Variants in ZNF99 observed in about 807,000 individuals in gnomAD.
The protein encoded by ZNF99 is zinc finger protein 99.
A neutral mutation model predicts 12.8 loss-of-function variants in ZNF99; 8 were observed. The observed-to-expected ratio is 0.62, with a 90% CI of 0.37 to 1.13. ZNF99 has a LOEUF of 1.13. Among genes scored for constraint, ZNF99 ranks in the 50% most tolerant of loss-of-function variants. The pLI is 0.02. For synonymous variants in ZNF99, 318 were observed against 319.0 expected (o/e 1.00, Z 0.03); for missense variants, 1,007 against 1,006.2 (o/e 1.00, Z -0.01).
At chr19:22,776,347 T>A (rs1213596447) in intron 1 of ZNF99, among the ~76,000 whole-genome samples, 2 of 114,428 alleles carry the variant, frequency 1.7e-5, no homozygotes, top group Non-Finnish European at 3.4e-5. Flanking sequence ...TGAGGCTTCA[T>A]CTCAATTAAA....
chr19:22,753,393 A>G lies in ZNF99; in HGVS notation c.*3921T>C, dbSNP rs1045100439. The G allele has an allele frequency of 4.6e-5, 7 of 151,766 alleles. No individual in the cohort carries two copies. Among genetic ancestry groups the G allele is most frequent in the African/African-American group, 1.7e-4 (7 of 41,238 alleles). 9.4% of individuals were successfully genotyped at this position (151,766 alleles called of 1,614,324 possible). A position where few individuals can be genotyped will look rare whatever the true frequency, so the allele number is the denominator to read the frequency against. ...CTGACATTTACAGAGTTAATTTTGG[A>G]TTGAATATTTTTCATATTTACTGCA... On this transcript the variant is annotated 3_prime_UTR_variant, in exon 4 of 4. Coordinates refer to ENST00000596209, the MANE Select transcript of ZNF99 (RefSeq NM_001080409.3).
intron 1 of ZNF99, among the ~76,000 whole-genome samples, chr19:22,777,330 G>GT (rs1417322292): frequency 5.9e-5 from 9 of 152,010 alleles, no homozygotes; most frequent in Non-Finnish European, 1.3e-4. Context: ...TCATTTATTA[G>GT]TAAGAGCTAA....
chr19:22,783,717 C>CT (rs960378723), intron 1 of ZNF99, among the ~76,000 whole-genome samples: 2 of 152,202 alleles, frequency 1.3e-5, no homozygotes, highest in Non-Finnish European at 2.9e-5. Context: ...CCTGACGCCC[C>CT]TCCCGTGGTC....
chr19:22,755,945 TA>T lies in ZNF99; in HGVS notation c.*1368del. 2.3e-6 allele frequency: 1 copy of T among 437,564 alleles called. No individual in the cohort carries two copies. Among genetic ancestry groups the T allele is most frequent in the Non-Finnish European group, 4.2e-6 (1 of 236,650 alleles). The allele number at this position is 437,564 out of a possible 1,614,324, so 27.1% of individuals were successfully genotyped here. A position where few individuals can be genotyped will look rare whatever the true frequency, so the allele number is the denominator to read the frequency against. ...TGGTTAAAAGCTTTGTCACCTTTAT[TA>T]TATTTGTAGGGTTTTCCTCCAGTAT... On this transcript the variant is annotated 3_prime_UTR_variant, in exon 4 of 4. Coordinates refer to ENST00000596209, the MANE Select transcript of ZNF99 (RefSeq NM_001080409.3).
intron 3 of ZNF99, among the ~76,000 whole-genome samples, chr19:22,765,823 CAA>C (rs1022679316): frequency 2.0e-5 from 3 of 151,822 alleles, no homozygotes; most frequent in African/African-American, 7.3e-5. Flanking sequence ...GCATATATAA[CAA>C]GAGAAATGCT....
At position 22,759,533 on chromosome 19, in the gene ZNF99, G is replaced by A. The variant is rs61740110; in HGVS notation, c.376C>T (p.His126Tyr). Residue 126 changes from histidine to tyrosine, a missense_variant, in exon 4 of 4, where the codon CAC (histidine) becomes TAC (tyrosine). His to Tyr is a moderately conservative substitution (Grantham distance 83). Coordinates refer to ENST00000596209, the MANE Select transcript of ZNF99 (RefSeq NM_001080409.3). Reference sequence around the variant, plus strand: ...TTAAGTTTATTATAAGCTTCTTCGTGCATCTTACCCTCATTGACACTTTCA... The same window carrying A: ...TTAAGTTTATTATAAGCTTCTTCGTACATCTTACCCTCATTGACACTTTCA... ...DCESVNEGKM[H>Y]EEAYNKLNQC... The A allele has an allele frequency of 0.085, 136,057 of 1,604,332 alleles. 6,172 individuals carry two copies. Among genetic ancestry groups the A allele is most frequent in the Middle Eastern group, 0.13 (785 of 6,022 alleles).
rs571003170 is a variant in ZNF99, at chr19:22,760,836, C to G, written c.227-1154G>C. 3.1e-5 allele frequency among the ~76,000 whole-genome samples: 4 copies of G among 129,736 alleles called. No individual in the cohort carries two copies. In the South Asian group the frequency reaches 9.9e-4, roughly 32 times the overall value. The allele number at this position is 129,736 out of a possible 152,430, so 85.1% of individuals were successfully genotyped here. The stretch of plus-strand genomic sequence containing the variant: ...GCAGCAGAGAATGTAGTACCACACA[C>G]AAAAAATAGATTACTATTGAGAAGA... On this transcript the variant is annotated intron_variant, in intron 3 of 3. Coordinates refer to ENST00000596209, the MANE Select transcript of ZNF99 (RefSeq NM_001080409.3).
At position 22,752,777 on chromosome 19, in the gene ZNF99, A is replaced by G. The variant is rs2145321029; in HGVS notation, c.*4537T>C. 1 of 152,012 alleles carries G rather than the reference A, an allele frequency of 6.6e-6. No individual in the cohort carries two copies. Among genetic ancestry groups the G allele is most frequent in the East Asian group, 1.9e-4 (1 of 5,190 alleles). The allele number at this position is 152,012 out of a possible 1,614,324, so 9.4% of individuals were successfully genotyped here. A position where few individuals can be genotyped will look rare whatever the true frequency, so the allele number is the denominator to read the frequency against. ...TAAAAATTTATGAATGTACTACATT[A>G]CATAAAAGCACAACTAATATAATAC... On this transcript the variant is annotated 3_prime_UTR_variant, in exon 4 of 4. Coordinates refer to ENST00000596209, the MANE Select transcript of ZNF99 (RefSeq NM_001080409.3).
At chr19:22,759,712 C>T (rs759018540) in intron 3 of ZNF99, 30 bp from the exon 4 acceptor site, 9 of 1,428,482 alleles carry the variant, frequency 6.3e-6, no homozygotes, top group Admixed American at 2.8e-5. Flanking sequence ...TAAATTATGT[C>T]ACTTGCTAGA....
In ZNF99 at chr19:22,758,454, T is replaced by G. The variant is rs764395258; in HGVS notation, c.1455A>C (p.Glu485Asp). 19 of 1,613,304 alleles carry G rather than the reference T, an allele frequency of 1.2e-5. No homozygotes were observed. The highest frequency in any genetic ancestry group is 1.5e-5 in the Non-Finnish European group (18 of 1,179,732). ...AGGACCACTTAAAAGCTTTACCACATTCTTCACATTTGTAGGGTTTCTCTC... is the reference window on the plus strand; with the variant it reads ...AGGACCACTTAAAAGCTTTACCACAGTCTTCACATTTGTAGGGTTTCTCTC... ...HTGEKPYKCEECGKAFKWSSK... is the reference protein window; with the variant it reads ...HTGEKPYKCEDCGKAFKWSSK... The change falls in exon 4 of 4, where the codon GAA becomes GAC. Residue 485 changes from glutamate (E) to aspartate (D), a missense_variant. Glu to Asp is a conservative substitution (Grantham distance 45). Coordinates refer to ENST00000596209, the MANE Select transcript of ZNF99 (RefSeq NM_001080409.3).
chr19:22,782,559 T>C, intron 1 of ZNF99, among the ~76,000 whole-genome samples: 1 of 151,482 alleles, frequency 6.6e-6, no homozygotes, highest in South Asian at 2.1e-4. Context: ...ATGGGGTTTC[T>C]CCATGTTGGT....
intron 3 of ZNF99, among the ~76,000 whole-genome samples, chr19:22,763,432 A>G (rs933901381): frequency 6.6e-6 from 1 of 152,168 alleles, no homozygotes; most frequent in Admixed American, 6.5e-5. Context: ...CAAGGAGGTA[A>G]AAGACCTCTA....
chr19:22,784,074 T>TCACAGGGC lies in ZNF99; in HGVS notation c.-66_-59dup. 1 of 1,604,492 alleles carries TCACAGGGC rather than the reference T, an allele frequency of 6.2e-7. No individual in the cohort carries two copies. Among genetic ancestry groups the TCACAGGGC allele is most frequent in the Non-Finnish European group, 8.5e-7 (1 of 1,172,964 alleles). ...CTGTGGATCTCCAAATACCTACAGGTCACAGGGCCACAGAGGCTAAGGACA... is the reference window on the plus strand; with the variant it reads ...CTGTGGATCTCCAAATACCTACAGGTCACAGGGCCACAGGGCCACAGAGGCTAAGGACA... On this transcript the variant is annotated 5_prime_UTR_variant, in exon 1 of 4. Transcript: ENST00000596209.
Position 22,754,386 on chromosome 19 carries a change from T to A in ZNF99, c.*2928A>T, listed in dbSNP as rs1280385417. ...CATTTCAAAAAAAAAAAAAAAACTT[T>A]GCCACATTCTTCACATTTGTAGAAT... is the stretch of plus-strand genomic sequence containing the variant. On this transcript the variant is annotated 3_prime_UTR_variant, in exon 4 of 4. Coordinates refer to ENST00000596209, the MANE Select transcript of ZNF99 (RefSeq NM_001080409.3). 3 of 417,190 alleles carry A rather than the reference T, an allele frequency of 7.2e-6. No individual in the cohort carries two copies. Among genetic ancestry groups the A allele is most frequent in the South Asian group, 5.3e-5 (3 of 56,278 alleles). 25.8% of individuals were successfully genotyped at this position (417,190 alleles called of 1,614,324 possible).
chr19:22,779,305 C>G (rs930298577), intron 1 of ZNF99, among the ~76,000 whole-genome samples: 1 of 152,020 alleles, frequency 6.6e-6, no homozygotes, highest in African/African-American at 2.4e-5. Flanking sequence ...GCAGGCGGAT[C>G]AAAAGGTCAG....
chr19:22,756,452 T>C lies in ZNF99; in HGVS notation c.*862A>G, dbSNP rs1362243031. ...AATGCTTTACCACACTCTTCACATT[T>C]GTAGGGTTTCTTTCCAGTATGAATT... On this transcript the variant is annotated 3_prime_UTR_variant, in exon 4 of 4. Transcript: ENST00000596209. The C allele has an allele frequency of 1.3e-6, 2 of 1,586,894 alleles. No homozygotes were observed. The highest frequency in any genetic ancestry group is 1.7e-6 in the Non-Finnish European group (2 of 1,168,340).
intron 2 of ZNF99, 65 bp from the exon 3 acceptor site, chr19:22,768,465 G>A (rs1447889298): frequency 4.4e-6 from 6 of 1,364,276 alleles, no homozygotes; most frequent in Non-Finnish European, 6.0e-6. Context: ...GCTCATTAAA[G>A]AGAATGTAAT....
intron 1 of ZNF99, among the ~76,000 whole-genome samples, chr19:22,776,424 TATATATATATATATATATATATA>T (rs1329069920): frequency 4.2e-5 from 1 of 23,744 alleles, no homozygotes; most frequent in Non-Finnish European, 7.9e-5. Flanking sequence ...TATATATATA[TATATATATATATATATATATATA>T]TATATATATA....
At chr19:22,762,587 A>C (rs978789477) in intron 3 of ZNF99, among the ~76,000 whole-genome samples, 2 of 152,170 alleles carry the variant, frequency 1.3e-5, no homozygotes. Flanking sequence ...AATTCTATTG[A>C]CACTATTCCA....
Sources: gnomAD v4.1 joint callset for allele counts (sites outside exome capture counted in the v4.1 genomes callset) on GRCh38, gnomAD v4.1.1 for gene constraint, MANE v1.5 for transcripts, NCBI Gene and HGNC (gene_info 2026-07-23, HGNC 2026-07-21) for gene names.